AKAP6: variants seen among roughly 807,000 people sequenced by gnomAD.
AKAP6 encodes the protein A-kinase anchor protein 6.
In AKAP6, 58 loss-of-function variants were observed where a neutral mutation model predicts 188.5. The observed-to-expected ratio is 0.31, with a 90% CI of 0.25 to 0.38. AKAP6 has a LOEUF of 0.38. Ranked by LOEUF, AKAP6 falls within the 10% of genes least tolerant of loss-of-function variation. The pLI is 1.00. For synonymous variants in AKAP6, 989 were observed against 998.6 expected, an observed-to-expected ratio of 0.99 and a Z score of 0.18; for missense variants, 2,710 against 2,740.0, an observed-to-expected ratio of 0.99 and a Z score of 0.24.
At chr14:32,509,394 G>C (rs1445248354) in intron 2 of AKAP6, among the ~76,000 whole-genome samples, 4 of 151,950 alleles carry the variant, frequency 2.6e-5, no homozygotes, top group Non-Finnish European at 5.9e-5. Context: ...TGTTTATTGA[G>C]TACCTACTTT....
At position 32,433,765 on chromosome 14, in the gene AKAP6, T is replaced by C; in HGVS notation, c.272T>C (p.Val91Ala). ...AGGGTCCGAGACCTAACCTATTCAG[T>C]CCAGCAGGATTCGGACAGCAAGCAT... The part of the protein sequence containing the change: ...SERVRDLTYS[V>A]QQDSDSKHVD... The change falls in exon 2 of 14, where the codon GTC (valine) becomes GCC (alanine). Residue 91 changes from valine to alanine, a missense_variant. Transcript: ENST00000280979. 1 of 1,614,102 alleles carries C rather than the reference T, an allele frequency of 6.2e-7. No homozygotes were observed. The highest frequency in any genetic ancestry group is 8.5e-7 in the Non-Finnish European group (1 of 1,180,018).
chr14:32,482,711 C>T (rs972260903), intron 2 of AKAP6, among the ~76,000 whole-genome samples: 5 of 152,068 alleles, frequency 3.3e-5, no homozygotes, highest in African/African-American at 1.2e-4. Flanking sequence ...GGAAATATAT[C>T]TTCTACATAA....
chr14:32,331,946 A>G lies in AKAP6; in HGVS notation c.-35+2538A>G, dbSNP rs529371833. On this transcript the variant is annotated intron_variant, in intron 1 of 13. Transcript: ENST00000280979. The stretch of plus-strand genomic sequence containing the variant: ...AATTCTTTGCCGATAACTAGGCCGC[A>G]TAGGGATGATAAAAATAATAATCAT... 4.6e-5 allele frequency among the ~76,000 whole-genome samples: 7 copies of G among 152,268 alleles called. No homozygotes were observed. In the South Asian group the frequency reaches 1.5e-3, roughly 32 times the overall value.
chr14:32,517,040 G>T (rs1240231004), intron 2 of AKAP6, among the ~76,000 whole-genome samples: 2 of 152,178 alleles, frequency 1.3e-5, no homozygotes, highest in Non-Finnish European at 2.9e-5. Flanking sequence ...GGTTAGAACT[G>T]CAGTGAATCA....
At chr14:32,394,404 G>C (rs2138592876) in intron 1 of AKAP6, among the ~76,000 whole-genome samples, 1 of 152,300 alleles carries the variant, frequency 6.6e-6, no homozygotes, top group East Asian at 1.9e-4. Context: ...CAAAACTGGA[G>C]CCATAGGGTG....
At chr14:32,353,268 A>C (rs1887354057) in intron 1 of AKAP6, among the ~76,000 whole-genome samples, 1 of 152,202 alleles carries the variant, frequency 6.6e-6, no homozygotes, top group African/African-American at 2.4e-5. Flanking sequence ...TATTGTTAAA[A>C]GTATGGCTTT....
At chr14:32,553,802 G>T (rs1467939145) in intron 4 of AKAP6, among the ~76,000 whole-genome samples, 1 of 152,174 alleles carries the variant, frequency 6.6e-6, no homozygotes, top group African/African-American at 2.4e-5. Flanking sequence ...CTTTTTCTGA[G>T]GGTTGAGGGG....
chr14:32,561,149 A>G (rs986987161), intron 4 of AKAP6, among the ~76,000 whole-genome samples: 1 of 152,172 alleles, frequency 6.6e-6, no homozygotes, highest in Non-Finnish European at 1.5e-5. Context: ...TCAAAATGAG[A>G]TGTTAATTAT....
At chr14:32,810,445 T>C (rs2034195422) in intron 12 of AKAP6, among the ~76,000 whole-genome samples, 1 of 152,132 alleles carries the variant, frequency 6.6e-6, no homozygotes, top group African/African-American at 2.4e-5. Flanking sequence ...AAGATTTAGT[T>C]CTTAAATTTA....
chr14:32,774,861 T>G (rs1273810346), intron 12 of AKAP6, among the ~76,000 whole-genome samples: 2 of 152,204 alleles, frequency 1.3e-5, no homozygotes, highest in African/African-American at 4.8e-5. Context: ...AAATCAAATG[T>G]AAAAATCATG....
chr14:32,784,021 G>C (rs1442801802), intron 12 of AKAP6, among the ~76,000 whole-genome samples: 3 of 152,224 alleles, frequency 2.0e-5, no homozygotes, highest in Middle Eastern at 3.4e-3. Context: ...GAAAATTATG[G>C]ATCAAATTTT....
At chr14:32,648,049 C>A (rs944116291) in intron 7 of AKAP6, among the ~76,000 whole-genome samples, 3 of 151,992 alleles carry the variant, frequency 2.0e-5, no homozygotes, top group African/African-American at 7.2e-5. Context: ...ATTGTCTTTT[C>A]ATTTAAAGTA....
chr14:32,821,372 T>C, intron 12 of AKAP6, 30 bp from the exon 13 acceptor site: 1 of 1,542,170 alleles, frequency 6.5e-7, no homozygotes, highest in Non-Finnish European at 8.7e-7. Context: ...CCCTAATTCT[T>C]CTCCTTTTCT....
intron 12 of AKAP6, among the ~76,000 whole-genome samples, chr14:32,780,600 A>G (rs66500175): frequency 0.013 from 1,908 of 152,284 alleles, 17 homozygotes; most frequent in Non-Finnish European, 0.019. Flanking sequence ...CACACATAAC[A>G]TCTACTAAAA....
At chr14:32,768,618 C>CT (rs2032790048) in intron 11 of AKAP6, among the ~76,000 whole-genome samples, 1 of 152,160 alleles carries the variant, frequency 6.6e-6, no homozygotes, top group South Asian at 2.1e-4. Context: ...TCCCTAGGCT[C>CT]TTGGCTACCA....
intron 2 of AKAP6, among the ~76,000 whole-genome samples, chr14:32,532,161 T>A (rs999855646): frequency 6.6e-6 from 1 of 152,186 alleles, no homozygotes; most frequent in African/African-American, 2.4e-5. Flanking sequence ...CTGTCAGTAA[T>A]TTTTTTATTC....
At chr14:32,594,372 A>G (rs1001747639) in intron 5 of AKAP6, among the ~76,000 whole-genome samples, 1 of 152,064 alleles carries the variant, frequency 6.6e-6, no homozygotes, top group Non-Finnish European at 1.5e-5. Context: ...TGGAATCTTC[A>G]TTTTTTGTGG....
At chr14:32,435,965 A>G (rs1890365139) in intron 2 of AKAP6, among the ~76,000 whole-genome samples, 1 of 152,248 alleles carries the variant, frequency 6.6e-6, no homozygotes, top group Admixed American at 6.5e-5. Context: ...AATATTTTAA[A>G]TAAATATCAC....
intron 5 of AKAP6, among the ~76,000 whole-genome samples, chr14:32,582,862 G>C (rs1175011117): frequency 1.3e-5 from 2 of 151,336 alleles, no homozygotes; most frequent in East Asian, 1.9e-4. Context: ...GCACTTCTCT[G>C]TATTGGTTAT....
Sources: gnomAD v4.1 joint callset for allele counts (sites outside exome capture counted in the v4.1 genomes callset) on GRCh38, gnomAD v4.1.1 for gene constraint, MANE v1.5 for transcripts, NCBI Gene and HGNC (gene_info 2026-07-23, HGNC 2026-07-21) for gene names.